The following CFAP74 variants were observed in gnomAD, a reference collection of about 807,000 sequenced individuals.
CFAP74 encodes cilia- and flagella-associated protein 74.
Under a neutral mutation model 188.9 loss-of-function variants are expected in CFAP74, and 124 were observed. The ratio of observed to expected loss-of-function variants is 0.66; its 90% confidence interval spans 0.57 to 0.76. The LOEUF (loss-of-function observed/expected upper bound fraction) is 0.76. Among genes scored for constraint, CFAP74 ranks in the 30% least tolerant of loss-of-function variants. The pLI is 0.00. For synonymous variants in CFAP74, 956 were observed against 916.7 expected (o/e 1.04, Z -0.77); for missense variants, 2,198 against 2,165.2 (o/e 1.02, Z -0.30).
intron 1 of CFAP74, among the ~76,000 whole-genome samples, chr1:1,993,862 G>A (rs1206048131): frequency 6.6e-6 from 1 of 151,006 alleles, no homozygotes; most frequent in Non-Finnish European, 1.5e-5. Context: ...GGCGCCTATA[G>A]TCCCAGCTAC....
Position 1,925,858 on chromosome 1 carries a change from G to A in CFAP74, c.4029C>T (p.Ile1343=). 6.2e-7 allele frequency: 1 copy of A among 1,612,714 alleles called. No individual in the cohort carries two copies. Among genetic ancestry groups the A allele is most frequent in the Non-Finnish European group, 8.5e-7 (1 of 1,179,924 alleles). Residue 1343 remains isoleucine, a synonymous_variant, in exon 33 of 39, where the codon ATC becomes ATT. Transcript: ENST00000682832. The stretch of plus-strand genomic sequence containing the variant: ...GGACGCTGCCTTCAATGGAGCACGT[G>A]ATCATGGACGCCACGCCAGTGCCCA... The part of the protein sequence containing the change: ...TLMGTGVASM[I]TCSIEGSVLN...
At position 1,970,907 on chromosome 1, in the gene CFAP74, AC is replaced by A. The variant is rs572454368; in HGVS notation, c.889-92del. 7.3e-6 allele frequency: 11 copies of A among 1,506,412 alleles called. No homozygotes were observed. In the African/African-American group the frequency reaches 1.5e-4, roughly 21 times the overall value. 93.3% of individuals were successfully genotyped at this position (1,506,412 alleles called of 1,614,324 possible). On this transcript the variant is annotated intron_variant, in intron 9 of 38. Coordinates refer to ENST00000682832, the MANE Select transcript of CFAP74 (RefSeq NM_001304360.2). ...TGCACATGTGCACACACAGGTTCAT[AC>A]ATGCACACGTGCACACACGTGCACA... is the stretch of plus-strand genomic sequence containing the variant.
chr1:1,927,786 C>T, intron 27 of CFAP74, 40 bp from the exon 28 acceptor site: 10 of 1,533,600 alleles, frequency 6.5e-6, no homozygotes, highest in Non-Finnish European at 8.8e-6. Context: ...GTGCAGGGCC[C>T]TAAACACAGC....
At chr1:1,935,925 GCTCT>G (rs1475707110) in intron 25 of CFAP74, among the ~76,000 whole-genome samples, 2 of 151,746 alleles carry the variant, frequency 1.3e-5, no homozygotes, top group Non-Finnish European at 2.9e-5. Flanking sequence ...AGTTAGAAAA[GCTCT>G]CTGAGAGGTC....
At chr1:1,955,152 C>T (rs1264538980) in intron 18 of CFAP74, 9 of 1,262,496 alleles carry the variant, frequency 7.1e-6, no homozygotes, top group East Asian at 5.9e-5. Flanking sequence ...GCGCACCACG[C>T]GAAGACAGAC....
At chr1:1,988,346 G>C (rs1020054200) in intron 4 of CFAP74, among the ~76,000 whole-genome samples, 166 bp downstream of exon 4, 1 of 152,186 alleles carries the variant, frequency 6.6e-6, no homozygotes, top group African/African-American at 2.4e-5. Flanking sequence ...CTGGGCACTA[G>C]CTCCCGGGTG....
chr1:1,985,281 G>T (rs1191826471), intron 6 of CFAP74, 105 bp downstream of exon 6: 3 of 917,358 alleles, frequency 3.3e-6, no homozygotes, highest in Non-Finnish European at 5.2e-6. Context: ...CAGTTTGCCG[G>T]TCAGGTGCAA....
At chr1:1,943,008 C>G (rs1653490830) in intron 21 of CFAP74, among the ~76,000 whole-genome samples, 1 of 152,206 alleles carries the variant, frequency 6.6e-6, no homozygotes, top group South Asian at 2.1e-4. Context: ...GCACGCCAGC[C>G]TCTGCACCCC....
Position 1,973,055 on chromosome 1 carries a change from G to C in CFAP74, c.675-8C>G. On this transcript the variant is annotated splice_polypyrimidine_tract_variant and splice_region_variant and intron_variant, in intron 7 of 38. Transcript: ENST00000682832. This position sits in a 1 kb window ranked among gnomAD's most constrained non-coding sequence, Gnocchi z 6.2. ...TGGGTGTTCAGGGACTTCCTGTGGGGATATGGGGCCGTCAGAGGGAAACTC... is the reference window on the plus strand; with the variant it reads ...TGGGTGTTCAGGGACTTCCTGTGGGCATATGGGGCCGTCAGAGGGAAACTC... The C allele has an allele frequency of 6.2e-7, 1 of 1,604,444 alleles. No homozygotes were observed. Among genetic ancestry groups the C allele is most frequent in the Non-Finnish European group, 8.5e-7 (1 of 1,172,168 alleles).
At position 1,966,354 on chromosome 1, in the gene CFAP74, G is replaced by A. The variant is rs766992282; in HGVS notation, c.1401+17C>T. 1 of 1,491,384 alleles carries A rather than the reference G, an allele frequency of 6.7e-7. No homozygotes were observed. Among genetic ancestry groups the A allele is most frequent in the Non-Finnish European group, 9.0e-7 (1 of 1,110,746 alleles). The allele number at this position is 1,491,384 out of a possible 1,614,324, so 92.4% of individuals were successfully genotyped here. A position where few individuals can be genotyped will look rare whatever the true frequency, so the allele number is the denominator to read the frequency against. ...CGGGGTCCGTCTGCAAGCGTCTAAAGGAGCAGGAGCTGATACCTGGTATGG... is the reference window on the plus strand; with the variant it reads ...CGGGGTCCGTCTGCAAGCGTCTAAAAGAGCAGGAGCTGATACCTGGTATGG... On this transcript the variant is annotated intron_variant, in intron 12 of 38. Coordinates refer to ENST00000682832, the MANE Select transcript of CFAP74 (RefSeq NM_001304360.2).
intron 25 of CFAP74, among the ~76,000 whole-genome samples, chr1:1,933,760 A>G (rs1403088100): frequency 1.3e-5 from 2 of 152,120 alleles, no homozygotes; most frequent in African/African-American, 4.8e-5. Flanking sequence ...TCTGTTGAAT[A>G]TTGCATTTCT....
Position 1,963,456 on chromosome 1 carries a change from C to CAAAAAA in CFAP74, c.1694+287_1694+292dup, listed in dbSNP as rs772909618. On this transcript the variant is annotated intron_variant, in intron 14 of 38. Transcript: ENST00000682832. ...TGGGCGACAGAGCAAGACTCCATCT[C>CAAAAAA]AAAAAAAAAAAAAAAAAAAAAAAAA... 1.8e-4 allele frequency among the ~76,000 whole-genome samples: 6 copies of CAAAAAA among 32,880 alleles called. 1 individual carries two copies. Among genetic ancestry groups the CAAAAAA allele is most frequent in the East Asian group, 1.8e-3 (1 of 546 alleles). The allele number at this position is 32,880 out of a possible 152,430, so 21.6% of individuals were successfully genotyped here. A position where few individuals can be genotyped will look rare whatever the true frequency, so the allele number is the denominator to read the frequency against.
At chr1:1,939,483 G>T (rs1251957589) in intron 24 of CFAP74, 111 bp downstream of exon 24, 1 of 1,083,726 alleles carries the variant, frequency 9.2e-7, no homozygotes, top group Non-Finnish European at 1.3e-6. Context: ...AGAGGCGGAA[G>T]TTGGGCCACA....
intron 4 of CFAP74, 63 bp from the exon 5 acceptor site, chr1:1,987,098 T>G: frequency 7.1e-7 from 1 of 1,416,348 alleles, no homozygotes; most frequent in East Asian, 2.3e-5. Flanking sequence ...AAAGTGACAG[T>G]GGGCGTGGCA....
rs567722763 is a variant in CFAP74 at position 1,970,927 on chromosome 1, G to A, written c.889-111C>T. The A allele has an allele frequency of 3.1e-3, 4,122 of 1,317,312 alleles. 152 individuals are homozygous for A. The East Asian group carries it at 0.074, about 24-fold the overall frequency. 81.6% of individuals were successfully genotyped at this position (1,317,312 alleles called of 1,614,324 possible). A position where few individuals can be genotyped will look rare whatever the true frequency, so the allele number is the denominator to read the frequency against. On this transcript the variant is annotated intron_variant, in intron 9 of 38. Coordinates refer to ENST00000682832, the MANE Select transcript of CFAP74 (RefSeq NM_001304360.2). ...TTCATACATGCACACGTGCACACAC[G>A]TGCACACACACATGCACACCTGCAC...
chr1:1,990,476 G>A (rs1280328436), intron 2 of CFAP74, among the ~76,000 whole-genome samples: 1 of 149,030 alleles, frequency 6.7e-6, no homozygotes, highest in African/African-American at 2.5e-5. Context: ...TGGGGTGGGG[G>A]TGGGAAGGAA....
At chr1:1,988,731 G>A in intron 3 of CFAP74, 76 bp from the exon 4 acceptor site, 5 of 1,568,490 alleles carry the variant, frequency 3.2e-6, no homozygotes, top group Non-Finnish European at 4.3e-6. Context: ...TGGCTGCCGG[G>A]GTAGGTGCCT....
chr1:1,955,979 GCCT>G, intron 17 of CFAP74, 129 bp from the exon 18 acceptor site: 1 of 1,428,146 alleles, frequency 7.0e-7, no homozygotes, highest in Non-Finnish European at 9.2e-7. Context: ...CCCCTCAGCT[GCCT>G]CCTCGGCTGC....
chr1:1,940,594 C>G (rs934982256), intron 22 of CFAP74, among the ~76,000 whole-genome samples, 191 bp from the exon 23 acceptor site: 1 of 152,174 alleles, frequency 6.6e-6, no homozygotes, highest in Non-Finnish European at 1.5e-5. Context: ...CCTGTGGCCC[C>G]GTGAGGGCTC....
Sources: gnomAD v4.1 joint callset for allele counts (sites outside exome capture counted in the v4.1 genomes callset) on GRCh38, gnomAD v4.1.1 for gene constraint, Gnocchi (gnomAD v3.1) non-coding constraint, MANE v1.5 for transcripts, NCBI Gene and HGNC (gene_info 2026-07-23, HGNC 2026-07-21) for gene names.